Variants in RIF1 observed in about 807,000 individuals in gnomAD.
RIF1 encodes telomere-associated protein RIF1.
In RIF1, 45 loss-of-function variants were observed where a neutral mutation model predicts 247.1. The ratio of observed to expected loss-of-function variants is 0.18; its 90% confidence interval spans 0.14 to 0.23. The LOEUF (loss-of-function observed/expected upper bound fraction) is 0.23. RIF1 is among the 10% of genes least tolerant of loss of function. The probability of loss-of-function intolerance (pLI) is 1.00; values close to 1 mark genes in which losing one functional copy is unlikely to be tolerated. For synonymous variants in RIF1, 1,087 were observed against 978.8 expected (o/e 1.11, Z -2.06); for missense variants, 2,967 against 2,862.5 (o/e 1.04, Z -0.83).
At position 151,435,550 on chromosome 2, in the gene RIF1, G is replaced by T; in HGVS notation, c.1165G>T (p.Gly389Cys). 1 of 1,606,474 alleles carries T rather than the reference G, an allele frequency of 6.2e-7. No individual in the cohort carries two copies. Among genetic ancestry groups the T allele is most frequent in the South Asian group, 1.1e-5 (1 of 90,916 alleles). ...TTCGTGTCATGTAGCTACATCTCCAGGTTTAAATCCTATGACTCCTGTACA... is the reference window on the plus strand; with the variant it reads ...TTCGTGTCATGTAGCTACATCTCCATGTTTAAATCCTATGACTCCTGTACA... ...GNSCHVATSP[G>C]LNPMTPVHKG... The change falls in exon 11 of 36, where the codon GGT (glycine) becomes TGT (cysteine). Residue 389 changes from glycine (G) to cysteine (C), a missense_variant. This residue lies in a region of RIF1 where 369 missense variants were observed against 322.0 expected (regional missense o/e 1.15). Coordinates refer to ENST00000444746, the MANE Select transcript of RIF1 (RefSeq NM_018151.5).
chr2:151,459,974 A>G lies in RIF1; in HGVS notation c.2956-26A>G, dbSNP rs766306601. Reference sequence around the variant, plus strand: ...CAAAATATTACCGTTCTATTTAATGAAATTGTTTCATTTTTAATAAAACAG... The same window carrying G: ...CAAAATATTACCGTTCTATTTAATGGAATTGTTTCATTTTTAATAAAACAG... On this transcript the variant is annotated intron_variant, in intron 25 of 35. Coordinates refer to ENST00000444746, the MANE Select transcript of RIF1 (RefSeq NM_018151.5). 2.0e-6 allele frequency: 3 copies of G among 1,495,682 alleles called. No homozygotes were observed. The African/African-American group carries it at 4.3e-5, about 22-fold the overall frequency. The allele number at this position is 1,495,682 out of a possible 1,614,324, so 92.7% of individuals were successfully genotyped here.
At chr2:151,461,371 G>T in intron 27 of RIF1, 82 bp downstream of exon 27, 3 of 1,292,552 alleles carry the variant, frequency 2.3e-6, no homozygotes, top group Non-Finnish European at 3.3e-6. Flanking sequence ...TTTGTGTTTA[G>T]AACTAAAATA....
At chr2:151,514,669 T>G in the RIF1 span, 1 of 642,000 alleles carries the variant, frequency 1.6e-6, no homozygotes, top group Non-Finnish European at 2.7e-6. Context: ...ACATGGGTAA[T>G]AGATTAGGTG....
At chr2:151,462,162 C>T (rs2152492939) in intron 27 of RIF1, 80 bp from the exon 28 acceptor site, 6 of 993,736 alleles carry the variant, frequency 6.0e-6, no homozygotes, top group South Asian at 2.0e-5. Context: ...CGTGAGCCAC[C>T]GTACCTGGCC....
At chr2:151,504,045 A>C (rs1303088172) in intron 12 of RIF1, among the ~76,000 whole-genome samples, 1 of 152,090 alleles carries the variant, frequency 6.6e-6, no homozygotes, top group Non-Finnish European at 1.5e-5. Context: ...AGAAGTCCAT[A>C]TTTTTTAGTA....
At chr2:151,424,469 TTGTA>T (rs1453434306) in intron 8 of RIF1, among the ~76,000 whole-genome samples, 1 of 152,236 alleles carries the variant, frequency 6.6e-6, no homozygotes. Context: ...GGCTGAGTAA[TTGTA>T]TGTATATAAC....
chr2:151,526,802 A>G, the RIF1 span: 4 of 782,268 alleles, frequency 5.1e-6, no homozygotes, highest in East Asian at 5.4e-5. Flanking sequence ...CAGGACCCAT[A>G]CCTGAGCCCT....
At chr2:151,410,071 G>A (rs1412937984) in intron 1 of RIF1, 38 bp downstream of exon 1, 1 of 702,464 alleles carries the variant, frequency 1.4e-6, no homozygotes, top group Non-Finnish European at 2.6e-6. Context: ...TAGGCCGCGG[G>A]GAACCCTCAG....
chr2:151,419,862 G>A (rs986242885), intron 6 of RIF1, among the ~76,000 whole-genome samples: 1 of 152,024 alleles, frequency 6.6e-6, no homozygotes, highest in South Asian at 2.1e-4. Context: ...TGACCAAAAC[G>A]TTGCTCTGTG....
chr2:151,526,103 T>C, the RIF1 span: 35 of 1,612,022 alleles, frequency 2.2e-5, no homozygotes, highest in Admixed American at 2.3e-4. Context: ...TTAAGGCATC[T>C]GCCTGGGGCG....
downstream of RIF1, among the ~76,000 whole-genome samples, chr2:151,510,647 G>C (rs994276396): frequency 6.6e-6 from 1 of 152,058 alleles, no homozygotes; most frequent in Non-Finnish European, 1.5e-5. Flanking sequence ...TGTTATAATT[G>C]TTCTATTTTA....
chr2:151,447,631 C>T (rs1001175705), intron 20 of RIF1, among the ~76,000 whole-genome samples: 2 of 152,068 alleles, frequency 1.3e-5, no homozygotes, highest in Non-Finnish European at 2.9e-5. Flanking sequence ...CTGCAGCCTC[C>T]GCCTTCTGGG....
At chr2:151,451,585 C>A in intron 20 of RIF1, 21 bp from the exon 21 acceptor site, 1 of 1,113,972 alleles carries the variant, frequency 9.0e-7, no homozygotes. Flanking sequence ...ATGTTTCTAA[C>A]AGTGGTACTT....
chr2:151,504,874 G>A (rs1006398792), intron 12 of RIF1, among the ~76,000 whole-genome samples: 1 of 152,074 alleles, frequency 6.6e-6, no homozygotes, highest in Admixed American at 6.5e-5. Context: ...GACAGAACAG[G>A]CTTAATGTAT....
At chr2:151,411,973 A>G (rs1334947286) in intron 3 of RIF1, among the ~76,000 whole-genome samples, 1 of 152,238 alleles carries the variant, frequency 6.6e-6, no homozygotes, top group Non-Finnish European at 1.5e-5. Flanking sequence ...CAGAGATCAG[A>G]GATTAATCTG....
Position 151,414,888 on chromosome 2 carries a change from A to G in RIF1, c.249A>G (p.Leu83=). ...SAALQALGFC[L]YNPKITSELS... Reference sequence around the variant, plus strand: ...CTCTACAAGCCCTGGGGTTTTGCTTATATAATCCCAAAATTACCTCAGAAT... The same window carrying G: ...CTCTACAAGCCCTGGGGTTTTGCTTGTATAATCCCAAAATTACCTCAGAAT... Residue 83 remains leucine, a synonymous_variant, in exon 4 of 36, where the codon TTA becomes TTG. Coordinates refer to ENST00000444746, the MANE Select transcript of RIF1 (RefSeq NM_018151.5). The G allele has an allele frequency of 3.1e-6, 5 of 1,612,608 alleles. No homozygotes were observed. Among genetic ancestry groups the G allele is most frequent in the Non-Finnish European group, 4.2e-6 (5 of 1,178,970 alleles).
In RIF1 at chr2:151,497,398, A is replaced by AAAAG. The variant is rs537551104; in HGVS notation, c.*514-1945_*514-1942dup. On this transcript the variant is annotated intron_variant and NMD_transcript_variant, in intron 10 of 13. Coordinates refer to the RIF1 transcript ENST00000454583. ...AACTGAAAAACTCATTATTTTAAAA[A>AAAAG]AAAGATTGAAAATACCAGATGAAAT... 1,203 of 977,872 alleles carry AAAAG rather than the reference A, an allele frequency of 1.2e-3. 12 individuals are homozygous for AAAAG. The South Asian group carries it at 0.029, about 24-fold the overall frequency. The allele number at this position is 977,872 out of a possible 1,614,324, so 60.6% of individuals were successfully genotyped here.
chr2:151,502,577 G>A (rs1016396095), intron 11 of RIF1, among the ~76,000 whole-genome samples: 2 of 152,028 alleles, frequency 1.3e-5, no homozygotes, highest in African/African-American at 4.8e-5. Flanking sequence ...AGTATTACAG[G>A]TTTTTAAAGA....
chr2:151,520,601 A>G, the RIF1 span, among the ~76,000 whole-genome samples: 1 of 152,150 alleles, frequency 6.6e-6, no homozygotes, highest in Non-Finnish European at 1.5e-5. Context: ...GTGGTGGCTC[A>G]TGCCTGTAAT....
Sources: gnomAD v4.1 joint callset for allele counts (sites outside exome capture counted in the v4.1 genomes callset) on GRCh38, gnomAD v4.1.1 for gene constraint, gnomAD v4.1.1 regional missense constraint, MANE v1.5 for transcripts, NCBI Gene and HGNC (gene_info 2026-07-23, HGNC 2026-07-21) for gene names.